TFF2: variants seen among roughly 807,000 people sequenced by gnomAD.
The protein encoded by TFF2 is spasmolysin.
A neutral mutation model predicts 16.0 loss-of-function variants in TFF2; 19 were observed. The observed-to-expected ratio is 1.19, with a 90% confidence interval of 0.83 to 1.74. The LOEUF is 1.74. Among genes scored for constraint, TFF2 ranks in the 40% most tolerant of loss-of-function variants. The pLI, the probability that TFF2 is intolerant of heterozygous loss-of-function variation, is 0.00. For missense variants in TFF2, 168 were observed against 166.8 expected, an observed-to-expected ratio of 1.01 and a Z score of -0.04; for synonymous variants, 61 against 65.4, an observed-to-expected ratio of 0.93 and a Z score of 0.32.
chr21:42,348,237 T>C (rs900858539), intron 2 of TFF2, among the ~76,000 whole-genome samples: 1 of 152,134 alleles, frequency 6.6e-6, no homozygotes, highest in Non-Finnish European at 1.5e-5. Context: ...CTTTGAGCAC[T>C]CGTCGGCGTT....
In TFF2 at chr21:42,348,793, G is replaced by A. The variant is rs1568859440; in HGVS notation, c.229+1088C>T. On this transcript the variant is annotated intron_variant, in intron 2 of 3. Coordinates refer to ENST00000291526, the MANE Select transcript of TFF2 (RefSeq NM_005423.5). The stretch of plus-strand genomic sequence containing the variant: ...GGCTACCTCTAGACTAACAGTCCAG[G>A]CTAGTACCAGACTAAACAACCTGGG... 2.0e-5 allele frequency among the ~76,000 whole-genome samples: 3 copies of A among 151,466 alleles called. No individual in the cohort carries two copies. In the South Asian group the frequency reaches 6.3e-4, roughly 32 times the overall value.
rs770167723 is a variant in TFF2 at position 42,347,462 on chromosome 21, CAGAG to C, written c.376+20_376+23del. On this transcript the variant is annotated intron_variant, in intron 3 of 3. Coordinates refer to ENST00000291526, the MANE Select transcript of TFF2 (RefSeq NM_005423.5). ...GGAATCATGGTGTCCGGGAACCAGA[CAGAG>C]AGTCCCACAGCGACGTTACCTTCCA... 6.2e-7 allele frequency: 1 copy of C among 1,613,902 alleles called. No individual in the cohort carries two copies. Among genetic ancestry groups the C allele is most frequent in the South Asian group, 1.1e-5 (1 of 91,070 alleles).
At chr21:42,347,406 C>T in intron 3 of TFF2, 80 bp downstream of exon 3, 1 of 1,589,700 alleles carries the variant, frequency 6.3e-7, no homozygotes, top group Non-Finnish European at 8.6e-7. Flanking sequence ...GGCAGCTCCC[C>T]TCCCTGCACC....
At chr21:42,350,331 A>C (rs1484491133) in intron 1 of TFF2, 1 of 343,436 alleles carries the variant, frequency 2.9e-6, no homozygotes, top group Non-Finnish European at 4.5e-6. Context: ...GTTCAAGACC[A>C]TCCTGGGCAA....
rs1327910623 is a variant in TFF2 at position 42,350,028 on chromosome 21, G to A, written c.82C>T (p.Pro28Ser). 6.3e-7 allele frequency: 1 copy of A among 1,597,148 alleles called. No homozygotes were observed. The highest frequency in any genetic ancestry group is 1.7e-5 in the Admixed American group (1 of 58,160). Residue 28 changes from proline to serine, a missense_variant and splice_region_variant, in exon 2 of 4, where the codon CCC becomes TCC. Coordinates refer to ENST00000291526, the MANE Select transcript of TFF2 (RefSeq NM_005423.5). The part of the protein sequence containing the change: ...CALAGSEKPS[P>S]CQCSRLSPHN... ...GGGCTCAGCCTGGAGCACTGGCAGG[G>A]GGCTGTGGAAAGACCCTCAGTCGGC...
intron 2 of TFF2, 82 bp from the exon 3 acceptor site, chr21:42,347,714 C>T (rs75827349): frequency 1.3e-6 from 2 of 1,539,918 alleles, no homozygotes; most frequent in Non-Finnish European, 8.8e-7. Flanking sequence ...CCTCTGAGAG[C>T]AGCGCTGATT....
intron 1 of TFF2, 117 bp downstream of exon 1, chr21:42,350,762 A>G: frequency 2.8e-6 from 3 of 1,083,154 alleles, no homozygotes; most frequent in African/African-American, 1.6e-5. Context: ...TGAACAACAC[A>G]CATTGCCAGA....
In TFF2 at chr21:42,350,913, C is replaced by T. The variant is rs1173970648; in HGVS notation, c.45G>A (p.Leu15=). 1 of 1,613,960 alleles carries T rather than the reference C, an allele frequency of 6.2e-7. No homozygotes were observed. The highest frequency in any genetic ancestry group is 1.1e-5 in the South Asian group (1 of 91,036). The part of the protein sequence containing the change: ...DAQLLAALLV[L]GLCALAGSEK... The stretch of plus-strand genomic sequence containing the variant: ...CACTCCCCGCCAGGGCACATAGCCC[C>T]AGGACGAGGAGCGCTGCCAGGAGCT... The change falls in exon 1 of 4, where the codon CTG becomes CTA. Residue 15 remains leucine (L), a synonymous_variant. Coordinates refer to ENST00000291526, the MANE Select transcript of TFF2 (RefSeq NM_005423.5).
In TFF2 at chr21:42,346,559, A is replaced by T. The variant is rs1338309740; in HGVS notation, c.377-13T>A. 2 of 1,594,280 alleles carry T rather than the reference A, an allele frequency of 1.3e-6. No homozygotes were observed. The highest frequency in any genetic ancestry group is 3.7e-5 in the Admixed American group (2 of 54,700). On this transcript the variant is annotated splice_polypyrimidine_tract_variant and intron_variant, in intron 3 of 3. Transcript: ENST00000291526. ...TAGTAATGGCAGTCTAGAAGTTTAA[A>T]TGCAAGATGGTTGGTAAGGGAACCC...
Position 42,350,953 on chromosome 21 carries a change from C to G in TFF2, c.5G>C (p.Gly2Ala), listed in dbSNP as rs1197062294. 8.1e-6 allele frequency: 13 copies of G among 1,613,908 alleles called. No individual in the cohort carries two copies. Among genetic ancestry groups the G allele is most frequent in the Middle Eastern group, 3.3e-4 (2 of 6,056 alleles). Reference protein sequence around the residue: MGRRDAQLLAAL... With the variant: MARRDAQLLAAL... ...TGCCAGGAGCTGGGCGTCTCGCCGT[C>G]CCATGTCTAGCTCAGCTGCACCCCA... The change falls in exon 1 of 4, where the codon GGA becomes GCA. Residue 2 changes from glycine to alanine, a missense_variant. By Grantham distance (60) the Gly-to-Ala change is moderately conservative. Coordinates refer to ENST00000291526, the MANE Select transcript of TFF2 (RefSeq NM_005423.5).
chr21:42,350,322 T>C (rs1203387031), intron 1 of TFF2: 8 of 391,028 alleles, frequency 2.0e-5, no homozygotes, highest in Non-Finnish European at 2.6e-5. Context: ...AGCTCAGGAG[T>C]TCAAGACCAT....
At chr21:42,348,542 A>G (rs1457000975) in intron 2 of TFF2, among the ~76,000 whole-genome samples, 1 of 152,194 alleles carries the variant, frequency 6.6e-6, no homozygotes, top group Non-Finnish European at 1.5e-5. Context: ...GGAAATTTTC[A>G]TCTCACTGTT....
At position 42,346,467 on chromosome 21, in the gene TFF2, G is replaced by T. The variant is rs925510476; in HGVS notation, c.*66C>A. On this transcript the variant is annotated 3_prime_UTR_variant, in exon 4 of 4. Coordinates refer to ENST00000291526, the MANE Select transcript of TFF2 (RefSeq NM_005423.5). ...TTTCATGAAGTATGAAGCTGATAAG[G>T]CGAAGTTTCTTCTTTGGTTTCGGAA... 6 of 1,578,632 alleles carry T rather than the reference G, an allele frequency of 3.8e-6. No individual in the cohort carries two copies. In the African/African-American group the frequency reaches 7.2e-5, roughly 19 times the overall value.
chr21:42,347,623 T>G lies in TFF2; in HGVS notation c.239A>C (p.Gln80Pro). 4 of 1,614,118 alleles carry G rather than the reference T, an allele frequency of 2.5e-6. No individual in the cohort carries two copies. Among genetic ancestry groups the G allele is most frequent in the Non-Finnish European group, 3.4e-6 (4 of 1,179,996 alleles). Residue 80 changes from glutamine to proline, a missense_variant, in exon 3 of 4, where the codon CAG becomes CCG. Gln to Pro is a moderately conservative substitution (Grantham distance 76). Transcript: ENST00000291526. ...FHPLPKQESDQCVMEVSDRRN... is the reference protein window; with the variant it reads ...FHPLPKQESDPCVMEVSDRRN... ...TCGGTCTGAGACCTCCATGACGCAC[T>G]GATCCGACTCTGCCATGGGACAGGC...
At chr21:42,347,340 C>G in intron 3 of TFF2, 146 bp downstream of exon 3, 6 of 1,009,394 alleles carry the variant, frequency 5.9e-6, no homozygotes, top group Non-Finnish European at 7.4e-6. Flanking sequence ...TCTGGAATTG[C>G]CTTCAGAATC....
At chr21:42,350,150 A>G in intron 1 of TFF2, 120 bp from the exon 2 acceptor site, 1 of 1,392,776 alleles carries the variant, frequency 7.2e-7, no homozygotes, top group South Asian at 1.7e-5. Context: ...ACAAAGTCTT[A>G]TCTTGCCCAT....
In TFF2 at chr21:42,347,564, C is replaced by T. The variant is rs1446935170; in HGVS notation, c.298G>A (p.Glu100Lys). The T allele has an allele frequency of 1.9e-6, 3 of 1,614,112 alleles. No homozygotes were observed. The highest frequency in any genetic ancestry group is 1.7e-6 in the Non-Finnish European group (2 of 1,180,036). The change falls in exon 3 of 4, where the codon GAA (glutamate) becomes AAA (lysine). Residue 100 changes from glutamate (E) to lysine (K), a missense_variant. Glu to Lys is a moderately conservative substitution (Grantham distance 56). Transcript: ENST00000291526. ...NCGYPGISPE[E>K]CASRKCCFSN... ...AAGCAGCACTTCCGAGAGGCGCATT[C>T]CTCGGGGCTGATGCCCGGGTAGCCA...
chr21:42,350,630 C>A (rs535811069), intron 1 of TFF2, among the ~76,000 whole-genome samples: 1 of 152,312 alleles, frequency 6.6e-6, no homozygotes, highest in East Asian at 1.9e-4. Context: ...ACTCCAAGGA[C>A]CCTTGGTGGG....
Position 42,350,044 on chromosome 21 carries a change from C to A in TFF2, c.80-14G>T. 1 of 1,589,904 alleles carries A rather than the reference C, an allele frequency of 6.3e-7. No homozygotes were observed. The highest frequency in any genetic ancestry group is 2.3e-5 in the East Asian group (1 of 44,096). ...ACTGGCAGGGGGCTGTGGAAAGACC[C>A]TCAGTCGGCCCCACCCTGGTACCCC... On this transcript the variant is annotated splice_polypyrimidine_tract_variant and intron_variant, in intron 1 of 3. Transcript: ENST00000291526.
Sources: gnomAD v4.1 joint callset for allele counts (sites outside exome capture counted in the v4.1 genomes callset) on GRCh38, gnomAD v4.1.1 for gene constraint, MANE v1.5 for transcripts, NCBI Gene and HGNC (gene_info 2026-07-23, HGNC 2026-07-21) for gene names.